The following GLB1L3 variants were observed in gnomAD, a reference collection of about 807,000 sequenced individuals.
GLB1L3 encodes the protein beta-galactosidase-1-like protein 3.
A neutral mutation model predicts 89.5 loss-of-function variants in GLB1L3; 89 were observed. The ratio of observed to expected loss-of-function variants is 0.99; its 90% confidence interval spans 0.84 to 1.19. The LOEUF (loss-of-function observed/expected upper bound fraction) is 1.19, where lower values mean the gene tolerates loss of function less well. GLB1L3 is among the 50% of genes most tolerant of loss of function. The pLI is 0.00. For missense variants in GLB1L3, 812 were observed against 813.3 expected, an observed-to-expected ratio of 1.00 and a Z score of 0.02; for synonymous variants, 314 against 312.3, an observed-to-expected ratio of 1.01 and a Z score of -0.06.
intron 7 of GLB1L3, among the ~76,000 whole-genome samples, chr11:134,290,605 AAAAAG>A (rs1250033998): frequency 9.0e-6 from 1 of 110,754 alleles, no homozygotes; most frequent in Non-Finnish European, 2.1e-5. Context: ...AAAAAAAAAG[AAAAAG>A]AAAAAAAAAC....
At chr11:134,295,428 T>C (rs1941578802) in intron 9 of GLB1L3, among the ~76,000 whole-genome samples, 1 of 152,220 alleles carries the variant, frequency 6.6e-6, no homozygotes, top group Admixed American at 6.5e-5. Context: ...GATAATCCCT[T>C]GTTATCCTCT....
chr11:134,324,205 G>A (rs940586650), downstream of GLB1L3, among the ~76,000 whole-genome samples: 4 of 152,118 alleles, frequency 2.6e-5, no homozygotes, highest in African/African-American at 4.8e-5. Flanking sequence ...TTAATCTACC[G>A]TACCCAACTT....
chr11:134,280,086 G>A (rs970626879), intron 3 of GLB1L3, among the ~76,000 whole-genome samples: 3 of 152,046 alleles, frequency 2.0e-5, no homozygotes, highest in African/African-American at 7.2e-5. Context: ...TTGCTATATA[G>A]TGCTTTGAAT....
At chr11:134,302,469 A>G (rs1274704366) in intron 9 of GLB1L3, among the ~76,000 whole-genome samples, 1 of 152,222 alleles carries the variant, frequency 6.6e-6, no homozygotes, top group Non-Finnish European at 1.5e-5. Context: ...ACTTAATTCT[A>G]TAATATATTC....
At chr11:134,314,885 G>T (rs757429795) in intron 18 of GLB1L3, among the ~76,000 whole-genome samples, 2 of 152,088 alleles carry the variant, frequency 1.3e-5, no homozygotes, top group Non-Finnish European at 2.9e-5. Context: ...TTTTTACTTA[G>T]AATATCTTTT....
chr11:134,282,415 G>C (rs1940751484), intron 5 of GLB1L3, among the ~76,000 whole-genome samples: 1 of 152,084 alleles, frequency 6.6e-6, no homozygotes, highest in Admixed American at 6.5e-5. Context: ...GTGGCCACAA[G>C]AGGCTCCCAC....
the GLB1L3 span, among the ~76,000 whole-genome samples, chr11:134,325,250 C>T: frequency 6.6e-6 from 1 of 152,112 alleles, no homozygotes; most frequent in Non-Finnish European, 1.5e-5. Context: ...AAAGTGAGTA[C>T]AGTCGTCCTG....
At chr11:134,287,521 G>A (rs762796490) in intron 6 of GLB1L3, among the ~76,000 whole-genome samples, 2 of 152,214 alleles carry the variant, frequency 1.3e-5, no homozygotes, top group Non-Finnish European at 2.9e-5. Flanking sequence ...TCACAAGGCC[G>A]ACTGGAAATT....
intron 9 of GLB1L3, among the ~76,000 whole-genome samples, chr11:134,305,848 A>G (rs554225973): frequency 4.6e-5 from 7 of 152,140 alleles, no homozygotes; most frequent in Non-Finnish European, 7.4e-5. Flanking sequence ...TTAAAAATCT[A>G]ATATTTGAAA....
chr11:134,319,871 C>T (rs533768899), downstream of GLB1L3, among the ~76,000 whole-genome samples: 6 of 152,196 alleles, frequency 3.9e-5, no homozygotes, highest in African/African-American at 1.4e-4. Context: ...CACATCTAAT[C>T]AGAGAAGGAA....
intron 7 of GLB1L3, among the ~76,000 whole-genome samples, chr11:134,289,933 C>T (rs9651707): frequency 1.3e-5 from 2 of 152,238 alleles, no homozygotes; most frequent in Admixed American, 1.3e-4. Context: ...CTGAGCCGTC[C>T]TGACTCCGCC....
chr11:134,298,391 A>G (rs76753843), intron 9 of GLB1L3, among the ~76,000 whole-genome samples: 39 of 152,318 alleles, frequency 2.6e-4, no homozygotes, highest in African/African-American at 9.4e-4. Context: ...AATTTCCCTT[A>G]TGAACATGGA....
chr11:134,308,556 T>TCACCATCATCACCATCAC (rs1565414471), intron 10 of GLB1L3, among the ~76,000 whole-genome samples: 2 of 57,522 alleles, frequency 3.5e-5, no homozygotes, highest in Non-Finnish European at 6.2e-5. Flanking sequence ...ACCATCACCA[T>TCACCATCATCACCATCAC]CACCACCACC....
chr11:134,296,864 A>AAAAC (rs146319598), intron 9 of GLB1L3, among the ~76,000 whole-genome samples: 1 of 147,162 alleles, frequency 6.8e-6, no homozygotes, highest in Admixed American at 6.8e-5. Flanking sequence ...AATAATAATA[A>AAAAC]AAACAAACAA....
intron 17 of GLB1L3, 58 bp downstream of exon 17, chr11:134,314,086 A>G (rs1942877599): frequency 8.7e-7 from 1 of 1,155,764 alleles, no homozygotes; most frequent in African/African-American, 1.5e-5. Context: ...CAGAGATTTC[A>G]GATTCCTCAT....
Position 134,288,851 on chromosome 11 carries a change from A to G in GLB1L3, c.690A>G (p.Ser230=), listed in dbSNP as rs3824995. The change falls in exon 7 of 20, where the codon TCA becomes TCG. Residue 230 remains serine (S), a synonymous_variant. Transcript: ENST00000431683. The part of the protein sequence containing the change: ...IAVQVENEYG[S]FNKDKTYMPY... ...TGCAAGTGGAGAATGAGTATGGCTC[A>G]TTCAATAAGGATAAAACATACATGC... The G allele has an allele frequency of 0.2, 320,380 of 1,611,160 alleles. 33,406 individuals are homozygous for G. Among genetic ancestry groups the G allele is most frequent in the South Asian group, 0.31 (28,351 of 90,670 alleles).
intron 7 of GLB1L3, among the ~76,000 whole-genome samples, chr11:134,290,598 AAAAAAG>A (rs1159423268): frequency 1.6e-5 from 2 of 125,792 alleles, no homozygotes; most frequent in Non-Finnish European, 3.5e-5. Flanking sequence ...AGAAAAGAAA[AAAAAAG>A]AAAAAGAAAA....
At chr11:134,284,642 T>C (rs1940883742) in intron 6 of GLB1L3, among the ~76,000 whole-genome samples, 1 of 151,856 alleles carries the variant, frequency 6.6e-6, no homozygotes, top group African/African-American at 2.4e-5. Context: ...GACAAGAGAA[T>C]CACTTGAACC....
At chr11:134,308,170 CACCACCACCAT>C (rs1942298800) in intron 10 of GLB1L3, among the ~76,000 whole-genome samples, 1 of 130,260 alleles carries the variant, frequency 7.7e-6, no homozygotes, top group Admixed American at 7.8e-5. Context: ...CCACCACCAG[CACCACCACCAT>C]CACCATCATC....
Sources: allele counts gnomAD v4.1 joint callset (sites outside exome capture counted in the v4.1 genomes callset), GRCh38; gene constraint gnomAD v4.1.1; transcripts MANE v1.5; gene names NCBI Gene and HGNC (gene_info 2026-07-23, HGNC 2026-07-21).